The following ACOX3 variants were observed in gnomAD, a reference collection of about 807,000 sequenced individuals.
The protein encoded by ACOX3 is acyl-CoA oxidase 3, pristanoyl.
ACOX3 carries 73 observed loss-of-function variants against 81.5 expected under a neutral mutation model. The observed-to-expected ratio is 0.90, with a 90% CI of 0.74 to 1.09. ACOX3 has a LOEUF of 1.09. Among genes scored for constraint, ACOX3 ranks in the 50% least tolerant of loss-of-function variants. The probability of loss-of-function intolerance (pLI) is 0.00; values close to 1 mark genes in which losing one functional copy is unlikely to be tolerated. For missense variants in ACOX3, 947 were observed against 928.0 expected, an observed-to-expected ratio of 1.02 and a Z score of -0.27; for synonymous variants, 387 against 375.1, an observed-to-expected ratio of 1.03 and a Z score of -0.37.
In ACOX3 at chr4:8,416,478, T is replaced by G. The variant is rs774807778; in HGVS notation, c.44A>C (p.Glu15Ala). Residue 15 changes from glutamate (E) to alanine (A), a missense_variant, in exon 2 of 18, where the codon GAA (glutamate) becomes GCA (alanine). Glu to Ala is a moderately radical substitution (Grantham distance 107). Coordinates refer to ENST00000356406, the MANE Select transcript of ACOX3 (RefSeq NM_003501.3). The surrounding 1 kb of genome is among the most constrained non-coding windows in gnomAD (Gnocchi z 4.2). ...VEGGDTALLP[E>A]FPRGPLDAYR... ...GGCATCGAGGGGCCCCCTGGGGAAT[T>G]CTGGGAGCAGAGCTGTGTCGCCTCC... 1.2e-6 allele frequency: 2 copies of G among 1,613,942 alleles called. No individual in the cohort carries two copies. The highest frequency in any genetic ancestry group is 3.3e-5 in the Admixed American group (2 of 60,012).
intron 7 of ACOX3, among the ~76,000 whole-genome samples, chr4:8,402,704 C>A (rs7686109): frequency 2.0e-5 from 3 of 152,170 alleles, no homozygotes; most frequent in African/African-American, 4.8e-5. Flanking sequence ...GTGTCTCCAG[C>A]GGGAGACGTG....
Position 8,389,224 on chromosome 4 carries a change from G to C in ACOX3, c.1486C>G (p.Leu496Val). 2.5e-6 allele frequency: 4 copies of C among 1,613,952 alleles called. No individual in the cohort carries two copies. Among genetic ancestry groups the C allele is most frequent in the Non-Finnish European group, 3.4e-6 (4 of 1,179,976 alleles). Residue 496 changes from leucine (L) to valine (V), a missense_variant, in exon 13 of 18, where the codon CTT becomes GTT. Coordinates refer to ENST00000356406, the MANE Select transcript of ACOX3 (RefSeq NM_003501.3). The surrounding 1 kb of genome is among the most constrained non-coding windows in gnomAD (Gnocchi z 5.3). ...CTGGAGACCTCAAACTTCTGGTCAA[G>C]GATGCCGGGATAGGCGTCCAGAAAG... is the stretch of plus-strand genomic sequence containing the variant. ...VDFLDAYPGI[L>V]DQKFEVSSVA...
In ACOX3 at chr4:8,389,285, A is replaced by G. The variant is rs1718682575; in HGVS notation, c.1425T>C (p.Asp475=). The part of the protein sequence containing the change: ...LLGLLAHQVH[D]GACFRSPLKS... ...TCAGCGGACTGCGGAAGCAAGCTCC[A>G]TCTAGGACACACATTCCAGTGACTT... The change falls in exon 13 of 18, where the codon GAT becomes GAC. Residue 475 remains aspartate (D), a splice_region_variant and synonymous_variant. Coordinates refer to ENST00000356406, the MANE Select transcript of ACOX3 (RefSeq NM_003501.3). The surrounding 1 kb of genome is among the most constrained non-coding windows in gnomAD (Gnocchi z 5.3). 1 of 1,611,746 alleles carries G rather than the reference A, an allele frequency of 6.2e-7. No homozygotes were observed. Among genetic ancestry groups the G allele is most frequent in the African/African-American group, 1.3e-5 (1 of 75,038 alleles).
intron 1 of ACOX3, among the ~76,000 whole-genome samples, chr4:8,428,194 T>C (rs1471656889): frequency 6.6e-6 from 1 of 152,106 alleles, no homozygotes; most frequent in Non-Finnish European, 1.5e-5. Flanking sequence ...TGGGTAACCC[T>C]GGCCCCCCCG....
In ACOX3 at chr4:8,395,000, T is replaced by C; in HGVS notation, c.1057-258A>G. On this transcript the variant is annotated intron_variant, in intron 9 of 17. Coordinates refer to ENST00000356406, the MANE Select transcript of ACOX3 (RefSeq NM_003501.3). This position sits in a 1 kb window ranked among gnomAD's most constrained non-coding sequence, Gnocchi z 5.9. ...TCGCTAAATGGCCGCTATTCACAGC[T>C]GTCCCATCAAAGTCACTACAGAACA... The C allele has an allele frequency of 2.7e-6, 1 of 364,364 alleles. No individual in the cohort carries two copies. Among genetic ancestry groups the C allele is most frequent in the South Asian group, 2.9e-5 (1 of 34,868 alleles). 22.6% of individuals were successfully genotyped at this position (364,364 alleles called of 1,614,324 possible).
At chr4:8,356,975 G>A in the ACOX3 span, 2 of 446,792 alleles carry the variant, frequency 4.5e-6, no homozygotes, top group Admixed American at 4.8e-5. Flanking sequence ...TGCATGCTAA[G>A]ATGACCCTGG....
intron 1 of ACOX3, among the ~76,000 whole-genome samples, chr4:8,425,572 A>C (rs964989548): frequency 6.6e-6 from 1 of 150,750 alleles, no homozygotes; most frequent in South Asian, 2.1e-4. Flanking sequence ...AGTGTGGCAA[A>C]GAAATAATCC....
At chr4:8,360,496 G>C in the ACOX3 span, among the ~76,000 whole-genome samples, 1 of 146,046 alleles carries the variant, frequency 6.8e-6, no homozygotes, top group South Asian at 2.2e-4. Context: ...TTTTGAGACA[G>C]AGTTTTACTC....
In ACOX3 at chr4:8,394,259, T is replaced by C. The variant is rs1719413588; in HGVS notation, c.1179+361A>G. On this transcript the variant is annotated intron_variant, in intron 10 of 17. Coordinates refer to ENST00000356406, the MANE Select transcript of ACOX3 (RefSeq NM_003501.3). This position sits in a 1 kb window ranked among gnomAD's most constrained non-coding sequence, Gnocchi z 5.9. ...TGACTGTCAACTCAAATCCAGTCAG[T>C]GGGATTCAGACCTTTGTGCAGCTGT... Among the ~76,000 whole-genome samples, 1 of 152,136 alleles carries C rather than the reference T, an allele frequency of 6.6e-6. No homozygotes were observed. The highest frequency in any genetic ancestry group is 2.4e-5 in the African/African-American group (1 of 41,434).
rs1722401983 is a variant in ACOX3 at position 8,416,862 on chromosome 4, C to A, written c.-14-327G>T. 6.6e-6 allele frequency among the ~76,000 whole-genome samples: 1 copy of A among 152,230 alleles called. No homozygotes were observed. The highest frequency in any genetic ancestry group is 1.5e-5 in the Non-Finnish European group (1 of 68,036). ...ACAGCCTTGCCTGAGAGTACCCTGCCCTCTTGGGAGCACCCCGGACATCCA... is the reference window on the plus strand; with the variant it reads ...ACAGCCTTGCCTGAGAGTACCCTGCACTCTTGGGAGCACCCCGGACATCCA... On this transcript the variant is annotated intron_variant, in intron 1 of 17. Coordinates refer to ENST00000356406, the MANE Select transcript of ACOX3 (RefSeq NM_003501.3). The surrounding 1 kb of genome is among the most constrained non-coding windows in gnomAD (Gnocchi z 4.2).
intron 1 of ACOX3, among the ~76,000 whole-genome samples, chr4:8,421,960 C>T (rs921102685): frequency 6.6e-6 from 1 of 152,208 alleles, no homozygotes; most frequent in African/African-American, 2.4e-5. Context: ...AATTGATGAC[C>T]CAGTACTTTA....
chr4:8,363,529 C>G (rs1427041225), downstream of ACOX3, among the ~76,000 whole-genome samples: 4 of 152,098 alleles, frequency 2.6e-5, no homozygotes, highest in African/African-American at 4.8e-5. Context: ...GATCTTCATC[C>G]CTCTGCAACC....
At position 8,430,952 on chromosome 4, in the gene ACOX3, G is replaced by A. The variant is rs1723917797; in HGVS notation, c.-15+9696C>T. ...GGAAGCCATTTCTAGGTAGACATTGGAAGGCAGGCTAAAGGGGAAGAGCTC... is the reference window on the plus strand; with the variant it reads ...GGAAGCCATTTCTAGGTAGACATTGAAAGGCAGGCTAAAGGGGAAGAGCTC... On this transcript the variant is annotated intron_variant, in intron 1 of 17. Transcript: ENST00000356406. This position sits in a 1 kb window ranked among gnomAD's most constrained non-coding sequence, Gnocchi z 5.2. 6.6e-6 allele frequency among the ~76,000 whole-genome samples: 1 copy of A among 152,192 alleles called. No homozygotes were observed. Among genetic ancestry groups the A allele is most frequent in the Non-Finnish European group, 1.5e-5 (1 of 68,034 alleles).
Position 8,407,225 on chromosome 4 carries a change from G to A in ACOX3, c.688-1182C>T, listed in dbSNP as rs573745602. Among the ~76,000 whole-genome samples the A allele has an allele frequency of 1.2e-4, 18 of 152,332 alleles. No individual in the cohort carries two copies. Among genetic ancestry groups the A allele is most frequent in the African/African-American group, 3.4e-4 (14 of 41,570 alleles). On this transcript the variant is annotated intron_variant, in intron 6 of 17. Transcript: ENST00000356406. This position sits in a 1 kb window ranked among gnomAD's most constrained non-coding sequence, Gnocchi z 4.6. ...TTTTCCTAGGTTATGATTATAGAGC[G>A]AGGATTATTATAATATTGGGATAAA...
At chr4:8,397,883 G>A (rs567575134) in intron 8 of ACOX3, among the ~76,000 whole-genome samples, 8 of 152,368 alleles carry the variant, frequency 5.3e-5, no homozygotes, top group Non-Finnish European at 7.3e-5. Flanking sequence ...TATTTAAGCC[G>A]GGTGCGGCGG....
chr4:8,440,632 A>G lies in ACOX3; in HGVS notation c.-15+16T>C. On this transcript the variant is annotated intron_variant, in intron 1 of 17. Transcript: ENST00000356406. The stretch of plus-strand genomic sequence containing the variant: ...ATTCTCTCAAAAGGGAATAAAACAC[A>G]GGTCAAATTCCTCACCCACACACTC... The G allele has an allele frequency of 3.3e-6, 2 of 611,594 alleles. No individual in the cohort carries two copies. Among genetic ancestry groups the G allele is most frequent in the Non-Finnish European group, 5.1e-6 (2 of 390,672 alleles). The allele number at this position is 611,594 out of a possible 1,614,324, so 37.9% of individuals were successfully genotyped here. A position where few individuals can be genotyped will look rare whatever the true frequency, so the allele number is the denominator to read the frequency against.
intron 5 of ACOX3, among the ~76,000 whole-genome samples, chr4:8,413,755 C>T (rs1442732622): frequency 1.3e-5 from 2 of 152,260 alleles, no homozygotes; most frequent in Non-Finnish European, 2.9e-5. Context: ...GCCCGTCTCA[C>T]TGCACCACAC....
Position 8,392,388 on chromosome 4 carries a change from G to T in ACOX3, c.1245C>A (p.Thr415=). The T allele has an allele frequency of 6.2e-7, 1 of 1,609,232 alleles. No individual in the cohort carries two copies. The highest frequency in any genetic ancestry group is 8.5e-7 in the Non-Finnish European group (1 of 1,178,400). The change falls in exon 11 of 18, where the codon ACC becomes ACA. Residue 415 remains threonine (T), a synonymous_variant. Transcript: ENST00000356406. The part of the protein sequence containing the change: ...SASKPLASWT[T]QQGIQECREA... ...CCCGGCATTCCTGAATTCCTTGCTG[G>T]GTGGTCCACGAGGCCAGGGGCTTGC...
Position 8,406,091 on chromosome 4 carries a change from C to A in ACOX3, c.688-48G>T, listed in dbSNP as rs754484219. 6.3e-7 allele frequency: 1 copy of A among 1,576,672 alleles called. No homozygotes were observed. Among genetic ancestry groups the A allele is most frequent in the East Asian group, 2.2e-5 (1 of 44,714 alleles). ...GCAAACAGCAACTGTTACAATCACA[C>A]AAAAATCAAAACAAATGTGTTCAGA... On this transcript the variant is annotated intron_variant, in intron 6 of 17. Coordinates refer to ENST00000356406, the MANE Select transcript of ACOX3 (RefSeq NM_003501.3). This position sits in a 1 kb window ranked among gnomAD's most constrained non-coding sequence, Gnocchi z 5.6.
Sources: allele counts gnomAD v4.1 joint callset (sites outside exome capture counted in the v4.1 genomes callset), GRCh38; gene constraint gnomAD v4.1.1; non-coding constraint Gnocchi (gnomAD v3.1); transcripts MANE v1.5; gene names NCBI Gene and HGNC (gene_info 2026-07-23, HGNC 2026-07-21).